Variants in RAB25 observed in about 807,000 individuals in gnomAD.
RAB25 encodes RAB25, member RAS oncogene family.
In RAB25, 23 loss-of-function variants were observed where a neutral mutation model predicts 25.2. The observed-to-expected ratio is 0.91, with a 90% confidence interval of 0.66 to 1.29. The LOEUF (loss-of-function observed/expected upper bound fraction) is 1.29. Ranked by LOEUF, RAB25 falls within the 50% of genes most tolerant of loss-of-function variation. The probability of loss-of-function intolerance (pLI) is 0.00; values close to 1 mark genes in which losing one functional copy is unlikely to be tolerated. For synonymous variants in RAB25, 102 were observed against 111.5 expected (o/e 0.91, Z 0.54); for missense variants, 244 against 277.3 (o/e 0.88, Z 0.85).
In RAB25 at chr1:156,061,459, T is replaced by C. The variant is rs1382442817; in HGVS notation, c.43+16T>C. 3.1e-6 allele frequency: 5 copies of C among 1,613,080 alleles called. No individual in the cohort carries two copies. The Admixed American group carries it at 8.3e-5, about 27-fold the overall frequency. ...GTCTTCAAGGGTGAGTTGGGTTCCC[T>C]GAAGCAAGAGGAAGCCTGAGAGACC... is the stretch of plus-strand genomic sequence containing the variant. On this transcript the variant is annotated intron_variant, in intron 1 of 4. Transcript: ENST00000361084.
chr1:156,065,301 C>G (rs2102769860), intron 1 of RAB25, among the ~76,000 whole-genome samples: 1 of 152,324 alleles, frequency 6.6e-6, no homozygotes, highest in East Asian at 1.9e-4. Context: ...TGCTCTTAAC[C>G]ATGCGGGACT....
chr1:156,067,377 C>T (rs1245105310), intron 2 of RAB25, among the ~76,000 whole-genome samples: 4 of 152,206 alleles, frequency 2.6e-5, no homozygotes, highest in Non-Finnish European at 5.9e-5. Context: ...GTTACACATG[C>T]TCCTCGTTAC....
chr1:156,065,800 A>G (rs1337616388), intron 1 of RAB25, 111 bp from the exon 2 acceptor site: 2 of 844,134 alleles, frequency 2.4e-6, no homozygotes, highest in Middle Eastern at 5.4e-4. Flanking sequence ...TCCGTTCCCT[A>G]ATCTTTTTTC....
intron 2 of RAB25, among the ~76,000 whole-genome samples, chr1:156,067,099 G>C (rs1647766656): frequency 6.6e-6 from 1 of 151,928 alleles, no homozygotes; most frequent in Non-Finnish European, 1.5e-5. Context: ...CAGGCATGGT[G>C]GTGGGTGCCT....
chr1:156,066,126 G>A lies in RAB25; in HGVS notation c.239+20G>A, dbSNP rs769900101. On this transcript the variant is annotated intron_variant, in intron 2 of 4. Transcript: ENST00000361084. ...CTCGGCGTGAGCCCGGGCCTGGGGG[G>A]CTGCTGGGTGGTGGGAGTTCTGGGG... 3 of 1,527,110 alleles carry A rather than the reference G, an allele frequency of 2.0e-6. No individual in the cohort carries two copies. Among genetic ancestry groups the A allele is most frequent in the South Asian group, 2.5e-5 (2 of 81,040 alleles). The allele number at this position is 1,527,110 out of a possible 1,614,324, so 94.6% of individuals were successfully genotyped here. A position where few individuals can be genotyped will look rare whatever the true frequency, so the allele number is the denominator to read the frequency against.
At position 156,066,221 on chromosome 1, in the gene RAB25, G is replaced by T. The variant is rs1647743925; in HGVS notation, c.239+115G>T. ...AAGGGGGCTCAGCAGTGGGCTCTGG[G>T]GGGTGGGGATGGAGATCACAGAAGA... On this transcript the variant is annotated intron_variant, in intron 2 of 4. Transcript: ENST00000361084. 8 of 899,006 alleles carry T rather than the reference G, an allele frequency of 8.9e-6. 1 individual carries two copies. In the East Asian group the frequency reaches 1.7e-4, roughly 19 times the overall value. The allele number at this position is 899,006 out of a possible 1,614,324, so 55.7% of individuals were successfully genotyped here.
rs944095773 is a variant in RAB25 at position 156,068,438 on chromosome 1, C to T, written c.408C>T (p.Pro136=). 2.5e-6 allele frequency: 4 copies of T among 1,613,624 alleles called. No homozygotes were observed. The highest frequency in any genetic ancestry group is 3.4e-6 in the Non-Finnish European group (4 of 1,179,922). ...ACCTCAGCCAGGCCCGGGAAGTGCC[C>T]ACTGAGGAGGCCCGAATGTTCGCTG... ...KSDLSQAREV[P]TEEARMFAEN... is the part of the protein sequence containing the mutation. Residue 136 remains proline, a synonymous_variant, in exon 3 of 5, where the codon CCC becomes CCT. Coordinates refer to ENST00000361084, the MANE Select transcript of RAB25 (RefSeq NM_020387.4).
rs534531639 is a variant in RAB25, at chr1:156,069,687, C to G, written c.450C>G (p.Leu150=). 1.9e-4 allele frequency: 304 copies of G among 1,612,476 alleles called. 3 individuals are homozygous for G. In the South Asian group the frequency reaches 3.2e-3, roughly 17 times the overall value. ...TCCTGGCAGAAAACAATGGACTGCTCTTCCTGGAGACCTCAGCCCTGGACT... is the reference window on the plus strand; with the variant it reads ...TCCTGGCAGAAAACAATGGACTGCTGTTCCTGGAGACCTCAGCCCTGGACT... ...ARMFAENNGL[L]FLETSALDST... Residue 150 remains leucine, a synonymous_variant, in exon 4 of 5, where the codon CTC becomes CTG. Coordinates refer to ENST00000361084, the MANE Select transcript of RAB25 (RefSeq NM_020387.4).
chr1:156,066,627 C>G (rs1330645103), intron 2 of RAB25, among the ~76,000 whole-genome samples: 1 of 152,154 alleles, frequency 6.6e-6, no homozygotes, highest in South Asian at 2.1e-4. Context: ...GAGGTTAGGC[C>G]TCCTGACACC....
chr1:156,064,197 C>T (rs778913496), intron 1 of RAB25, among the ~76,000 whole-genome samples: 2 of 152,112 alleles, frequency 1.3e-5, no homozygotes, highest in Non-Finnish European at 2.9e-5. Flanking sequence ...TTATTTCCAG[C>T]TTTTCCATAC....
At position 156,070,143 on chromosome 1, in the gene RAB25, G is replaced by T; in HGVS notation, c.515-17G>T. 6.2e-7 allele frequency: 1 copy of T among 1,614,084 alleles called. No homozygotes were observed. The highest frequency in any genetic ancestry group is 8.5e-7 in the Non-Finnish European group (1 of 1,179,996). The stretch of plus-strand genomic sequence containing the variant: ...CTCTAAATCTTCTGGCCTGATCACT[G>T]CCCTCTGCCCTCCCAGAAATCTTTG... On this transcript the variant is annotated splice_polypyrimidine_tract_variant and intron_variant, in intron 4 of 4. Coordinates refer to ENST00000361084, the MANE Select transcript of RAB25 (RefSeq NM_020387.4).
At chr1:156,067,580 C>A (rs1372521008) in intron 2 of RAB25, among the ~76,000 whole-genome samples, 2 of 152,152 alleles carry the variant, frequency 1.3e-5, no homozygotes, top group African/African-American at 4.8e-5. Flanking sequence ...AGAGAACAGG[C>A]CACTGTTAAG....
intron 2 of RAB25, 50 bp downstream of exon 2, chr1:156,066,156 CGAG>C (rs1558097600): frequency 1.5e-6 from 2 of 1,368,514 alleles, no homozygotes; most frequent in Admixed American, 4.8e-5. Flanking sequence ...CTGGGGAAGT[CGAG>C]GAACACTTCT....
At chr1:156,067,795 G>A (rs887219755) in intron 2 of RAB25, among the ~76,000 whole-genome samples, 6 of 151,980 alleles carry the variant, frequency 3.9e-5, no homozygotes, top group South Asian at 2.1e-4. Context: ...TCTTGTTGCC[G>A]AGGCTGGAGT....
intron 4 of RAB25, 53 bp downstream of exon 4, chr1:156,069,804 GGCA>G: frequency 6.8e-7 from 1 of 1,461,586 alleles, no homozygotes; most frequent in Admixed American, 1.7e-5. Flanking sequence ...GGCTTCTACA[GGCA>G]GCAGTAGGAA....
rs1647870196 is a variant in RAB25 at position 156,070,293 on chromosome 1, G to A, written c.*6G>A. On this transcript the variant is annotated 3_prime_UTR_variant, in exon 5 of 5. Transcript: ENST00000361084. The stretch of plus-strand genomic sequence containing the variant: ...CCTGTTGCATCAGCCTCTGACCTTG[G>A]CCAGCACCACCTGCCCCCACTGGCT... 2 of 1,612,290 alleles carry A rather than the reference G, an allele frequency of 1.2e-6. No individual in the cohort carries two copies. Among genetic ancestry groups the A allele is most frequent in the East Asian group, 4.5e-5 (2 of 44,816 alleles).
At chr1:156,066,584 T>A (rs944941656) in intron 2 of RAB25, among the ~76,000 whole-genome samples, 8 of 152,146 alleles carry the variant, frequency 5.3e-5, no homozygotes, top group African/African-American at 1.9e-4. Context: ...GAACCCAGCA[T>A]CTGCATTTTA....
At chr1:156,069,913 C>T in intron 4 of RAB25, 162 bp downstream of exon 4, 3 of 846,026 alleles carry the variant, frequency 3.5e-6, no homozygotes, top group African/African-American at 1.7e-5. Context: ...CAGTGCCTCC[C>T]ACTCAGTCTG....
At chr1:156,063,689 C>G (rs1647660082) in intron 1 of RAB25, among the ~76,000 whole-genome samples, 1 of 152,234 alleles carries the variant, frequency 6.6e-6, no homozygotes, top group Admixed American at 6.5e-5. Context: ...TGGAGCCTGT[C>G]TGCAGCCTGC....
Sources: allele counts gnomAD v4.1 joint callset (sites outside exome capture counted in the v4.1 genomes callset), GRCh38; gene constraint gnomAD v4.1.1; transcripts MANE v1.5; gene names NCBI Gene and HGNC (gene_info 2026-07-23, HGNC 2026-07-21).